Variants in CLEC16A observed in about 807,000 individuals in gnomAD.
The protein encoded by CLEC16A is C-type lectin domain containing 16A, also known as protein CLEC16A.
In CLEC16A, 51 loss-of-function variants were observed where a neutral mutation model predicts 109.5. That is an observed-to-expected ratio of 0.47 (90% CI 0.37 to 0.59). The LOEUF is 0.59. Among genes scored for constraint, CLEC16A ranks in the 20% least tolerant of loss-of-function variants. The probability of loss-of-function intolerance (pLI) is 0.00; values close to 1 mark genes in which losing one functional copy is unlikely to be tolerated. For missense variants in CLEC16A, 1,339 were observed against 1,394.0 expected, an observed-to-expected ratio of 0.96 and a Z score of 0.63; for synonymous variants, 673 against 564.2, an observed-to-expected ratio of 1.19 and a Z score of -2.73.
rs1204784396 is a variant in CLEC16A at position 11,174,146 on chromosome 16, C to T, written c.2807-4189C>T. The stretch of plus-strand genomic sequence containing the variant: ...TTTCTATGATCTGTCGCTGTGTTTT[C>T]CCTCTAGTCAGGAGTGGCAGGAAAG... On this transcript the variant is annotated intron_variant, in intron 23 of 23. Coordinates refer to ENST00000409790, the MANE Select transcript of CLEC16A (RefSeq NM_015226.3). The surrounding 1 kb of genome is among the most constrained non-coding windows in gnomAD (Gnocchi z 4.7). 6.4e-6 allele frequency: 3 copies of T among 469,452 alleles called. No individual in the cohort carries two copies. Among genetic ancestry groups the T allele is most frequent in the East Asian group, 7.0e-5 (1 of 14,350 alleles). The allele number at this position is 469,452 out of a possible 1,614,324, so 29.1% of individuals were successfully genotyped here.
intron 10 of CLEC16A, among the ~76,000 whole-genome samples, chr16:10,985,772 C>A (rs1448753766): frequency 7.7e-6 from 1 of 130,314 alleles, no homozygotes; most frequent in Non-Finnish European, 1.7e-5. Context: ...GGCTGGAGTG[C>A]AGTGGCGTGA....
intron 18 of CLEC16A, among the ~76,000 whole-genome samples, chr16:11,054,439 A>G (rs1291664473): frequency 1.3e-5 from 2 of 152,204 alleles, no homozygotes; most frequent in Non-Finnish European, 2.9e-5. Flanking sequence ...GCAGGTTCCC[A>G]GGGCTGTGCT....
At chr16:11,090,181 C>T (rs1293244776) in intron 19 of CLEC16A, among the ~76,000 whole-genome samples, 1 of 152,196 alleles carries the variant, frequency 6.6e-6, no homozygotes, top group Non-Finnish European at 1.5e-5. Context: ...CTGCCTCATA[C>T]GACCAGGCTG....
chr16:11,072,254 G>A (rs2049116695), intron 19 of CLEC16A, among the ~76,000 whole-genome samples: 1 of 151,760 alleles, frequency 6.6e-6, no homozygotes, highest in African/African-American at 2.4e-5. Context: ...GTAGTATCTG[G>A]GACTACTGGC....
intron 10 of CLEC16A, among the ~76,000 whole-genome samples, chr16:10,988,258 G>T (rs1397368165): frequency 1.3e-5 from 2 of 152,122 alleles, no homozygotes; most frequent in African/African-American, 4.8e-5. Context: ...CTGTGGAATG[G>T]TTTCCTTCAT....
At chr16:11,004,318 G>A (rs764679218) in intron 11 of CLEC16A, among the ~76,000 whole-genome samples, 5 of 152,166 alleles carry the variant, frequency 3.3e-5, no homozygotes, top group African/African-American at 4.8e-5. Flanking sequence ...CTGGGCACTG[G>A]GGCTGGGGGC....
chr16:11,178,288 G>A lies in CLEC16A; in HGVS notation c.2807-47G>A. 1.3e-6 allele frequency: 2 copies of A among 1,516,582 alleles called. No homozygotes were observed. Among genetic ancestry groups the A allele is most frequent in the Non-Finnish European group, 9.0e-7 (1 of 1,106,788 alleles). 93.9% of individuals were successfully genotyped at this position (1,516,582 alleles called of 1,614,324 possible). A position where few individuals can be genotyped will look rare whatever the true frequency, so the allele number is the denominator to read the frequency against. On this transcript the variant is annotated intron_variant, in intron 23 of 23. Coordinates refer to ENST00000409790, the MANE Select transcript of CLEC16A (RefSeq NM_015226.3). This position sits in a 1 kb window ranked among gnomAD's most constrained non-coding sequence, Gnocchi z 6.5. The stretch of plus-strand genomic sequence containing the variant: ...GGAGCACAGGGCGCAGTGCGACGGG[G>A]TGTCTCAAGGGCTCAGTGTGTTTCC...
In CLEC16A at chr16:10,973,508, G is replaced by A. The variant is rs539050648; in HGVS notation, c.728+447G>A. Among the ~76,000 whole-genome samples the A allele has an allele frequency of 2.9e-4, 44 of 152,264 alleles. 1 individual carries two copies. The highest frequency in any genetic ancestry group is 6.2e-4 in the South Asian group (3 of 4,828). Reference sequence around the variant, plus strand: ...ATCTATAGGGGCAGAAAGTAGATTCGTGGTTTCCTAGGGCTAGGATGTTGT... The same window carrying A: ...ATCTATAGGGGCAGAAAGTAGATTCATGGTTTCCTAGGGCTAGGATGTTGT... On this transcript the variant is annotated intron_variant, in intron 7 of 23. Coordinates refer to ENST00000409790, the MANE Select transcript of CLEC16A (RefSeq NM_015226.3).
chr16:11,112,655 C>G (rs1303506362), intron 19 of CLEC16A, among the ~76,000 whole-genome samples: 2 of 152,096 alleles, frequency 1.3e-5, no homozygotes, highest in African/African-American at 2.4e-5. Flanking sequence ...ACAGACCTAT[C>G]TCAGTCAATA....
At chr16:11,177,937 G>A (rs1046922310) in intron 23 of CLEC16A, among the ~76,000 whole-genome samples, 4 of 151,020 alleles carry the variant, frequency 2.6e-5, no homozygotes, top group Non-Finnish European at 4.4e-5. Flanking sequence ...CTGATATTAC[G>A]AGCACACCCA....
At chr16:11,042,417 A>G (rs2152855653) in intron 15 of CLEC16A, 54 bp downstream of exon 15, 4 of 1,391,352 alleles carry the variant, frequency 2.9e-6, no homozygotes, top group South Asian at 1.2e-5. Flanking sequence ...GGACAGGAGG[A>G]CAGGAGGGAA....
chr16:11,088,683 C>T (rs868083313), intron 19 of CLEC16A, among the ~76,000 whole-genome samples: 1 of 152,118 alleles, frequency 6.6e-6, no homozygotes, highest in African/African-American at 2.4e-5. Context: ...GCTTGGCACC[C>T]CTGCTCCTTT....
rs779680653 is a variant in CLEC16A, at chr16:11,174,041, C to G, written c.2807-4294C>G. 7.8e-6 allele frequency: 3 copies of G among 384,178 alleles called. No individual in the cohort carries two copies. Among genetic ancestry groups the G allele is most frequent in the South Asian group, 3.8e-5 (2 of 53,318 alleles). The allele number at this position is 384,178 out of a possible 1,614,324, so 23.8% of individuals were successfully genotyped here. Reference sequence around the variant, plus strand: ...CCATGCTGGGCACTGCCCCACGACCCTCGCCCCTCGTCAGTGCTCAGCGTC... The same window carrying G: ...CCATGCTGGGCACTGCCCCACGACCGTCGCCCCTCGTCAGTGCTCAGCGTC... On this transcript the variant is annotated intron_variant, in intron 23 of 23. Transcript: ENST00000409790. This position sits in a 1 kb window ranked among gnomAD's most constrained non-coding sequence, Gnocchi z 4.7.
At chr16:10,979,548 A>G (rs928452496) in intron 9 of CLEC16A, among the ~76,000 whole-genome samples, 166 bp downstream of exon 9, 5 of 152,170 alleles carry the variant, frequency 3.3e-5, no homozygotes, top group Non-Finnish European at 7.4e-5. Flanking sequence ...CAGGTACTAA[A>G]TAGAGGTAGT....
chr16:11,099,419 C>T (rs989228518), intron 19 of CLEC16A, among the ~76,000 whole-genome samples: 1 of 152,210 alleles, frequency 6.6e-6, no homozygotes, highest in Non-Finnish European at 1.5e-5. Flanking sequence ...AGTGCTCAGT[C>T]GTGGATAGCA....
chr16:10,984,481 G>A (rs7201845), intron 10 of CLEC16A, among the ~76,000 whole-genome samples: 127,768 of 152,238 alleles, frequency 0.84, 54,120 homozygotes, highest in African/African-American at 0.96. Context: ...AGTCTGTGCC[G>A]TATTCGAGCT....
chr16:11,033,777 C>T (rs1214589404), intron 13 of CLEC16A, among the ~76,000 whole-genome samples: 1 of 152,110 alleles, frequency 6.6e-6, no homozygotes, highest in African/African-American at 2.4e-5. Context: ...GATGCTGCAC[C>T]GAAATGAATA....
At chr16:11,025,926 A>T (rs2046381239) in intron 13 of CLEC16A, among the ~76,000 whole-genome samples, 1 of 152,192 alleles carries the variant, frequency 6.6e-6, no homozygotes, top group South Asian at 2.1e-4. Flanking sequence ...GTAGGAGTAT[A>T]TATGGTTTTA....
At position 11,003,288 on chromosome 16, in the gene CLEC16A, C is replaced by T. The variant is rs775081349; in HGVS notation, c.1286C>T (p.Thr429Met). ...GTEGGSKGIK[T>M]SGESEEIEMV... ...GAGGGTGGTTCAAAAGGCATCAAGACGAGTGGGGAGAGTGAAGGTGAGTGT... is the reference window on the plus strand; with the variant it reads ...GAGGGTGGTTCAAAAGGCATCAAGATGAGTGGGGAGAGTGAAGGTGAGTGT... Residue 429 changes from threonine (T) to methionine (M), a missense_variant, in exon 11 of 24, where the codon ACG (threonine) becomes ATG (methionine). By Grantham distance (81) the Thr-to-Met change is moderately conservative. Transcript: ENST00000409790. The T allele has an allele frequency of 3.1e-6, 5 of 1,612,046 alleles. No homozygotes were observed. The highest frequency in any genetic ancestry group is 1.1e-5 in the South Asian group (1 of 90,976).
Sources: allele counts gnomAD v4.1 joint callset (sites outside exome capture counted in the v4.1 genomes callset), GRCh38; gene constraint gnomAD v4.1.1; non-coding constraint Gnocchi (gnomAD v3.1); transcripts MANE v1.5; gene names NCBI Gene and HGNC (gene_info 2026-07-23, HGNC 2026-07-21).